The following LAMA3 variants were observed in gnomAD, a reference collection of about 807,000 sequenced individuals.
LAMA3 encodes laminin subunit alpha 3.
Under a neutral mutation model 402.0 loss-of-function variants are expected in LAMA3, and 281 were observed. That is an observed-to-expected ratio of 0.70 (90% CI 0.63 to 0.77). The LOEUF is 0.77. Among genes scored for constraint, LAMA3 ranks in the 30% least tolerant of loss-of-function variants. The pLI, the probability that LAMA3 is intolerant of heterozygous loss-of-function variation, is 0.00. For missense variants in LAMA3, 3,840 were observed against 4,215.5 expected, an observed-to-expected ratio of 0.91 and a Z score of 2.47; for synonymous variants, 1,431 against 1,558.4, an observed-to-expected ratio of 0.92 and a Z score of 1.93.
intron 12 of LAMA3, among the ~76,000 whole-genome samples, chr18:23,798,545 G>T (rs531377292): frequency 6.6e-6 from 1 of 152,334 alleles, no homozygotes; most frequent in South Asian, 2.1e-4. Context: ...CCTGGGAGAA[G>T]CTCCCAGCCT....
At chr18:23,863,977 G>C (rs560420453) in intron 35 of LAMA3, among the ~76,000 whole-genome samples, 1 of 152,236 alleles carries the variant, frequency 6.6e-6, no homozygotes, top group East Asian at 1.9e-4. Flanking sequence ...GTACACAGCA[G>C]AACTCACAAT....
chr18:23,864,407 T>C (rs1422361774), intron 35 of LAMA3, among the ~76,000 whole-genome samples: 1 of 152,072 alleles, frequency 6.6e-6, no homozygotes, highest in Non-Finnish European at 1.5e-5. Context: ...TTAAATATTT[T>C]TGTAGAGACA....
chr18:23,936,163 A>G (rs2082306150), intron 67 of LAMA3, among the ~76,000 whole-genome samples: 1 of 148,456 alleles, frequency 6.7e-6, no homozygotes, highest in Non-Finnish European at 1.5e-5. Context: ...AGTAAATGGT[A>G]GAGTCAGGAT....
At chr18:23,949,087 C>T (rs1774429006) in intron 70 of LAMA3, among the ~76,000 whole-genome samples, 1 of 152,162 alleles carries the variant, frequency 6.6e-6, no homozygotes, top group Admixed American at 6.5e-5. Flanking sequence ...ACCCCACAAG[C>T]CTGTTCCTGG....
chr18:23,825,338 A>G (rs967009646), intron 21 of LAMA3, among the ~76,000 whole-genome samples: 7 of 152,194 alleles, frequency 4.6e-5, no homozygotes, highest in Admixed American at 2.0e-4. Context: ...AGGTCTTTTC[A>G]AAATAGAGTC....
Position 23,867,815 on chromosome 18 carries a change from C to T in LAMA3, c.4684-19C>T. ...ATCCCAGTGAAGGTACTAACACATTCATGGTTTTCTTTAAACAGGGTCAGC... is the reference window on the plus strand; with the variant it reads ...ATCCCAGTGAAGGTACTAACACATTTATGGTTTTCTTTAAACAGGGTCAGC... On this transcript the variant is annotated intron_variant, in intron 36 of 74. Coordinates refer to ENST00000313654, the MANE Select transcript of LAMA3 (RefSeq NM_198129.4). 6.3e-7 allele frequency: 1 copy of T among 1,597,914 alleles called. No homozygotes were observed. The highest frequency in any genetic ancestry group is 8.6e-7 in the Non-Finnish European group (1 of 1,165,352).
At chr18:23,920,599 G>T (rs949177021) in intron 60 of LAMA3, among the ~76,000 whole-genome samples, 6 of 152,078 alleles carry the variant, frequency 3.9e-5, no homozygotes, top group African/African-American at 1.4e-4. Flanking sequence ...TCTCTAAAAG[G>T]CACTCATATT....
chr18:23,822,874 G>A (rs9967546), intron 20 of LAMA3, among the ~76,000 whole-genome samples: 8,396 of 152,256 alleles, frequency 0.055, 702 homozygotes, highest in East Asian at 0.38. Context: ...ACTCAGGGAT[G>A]AGGAATTCCT....
Position 23,838,875 on chromosome 18 carries a change from A to C in LAMA3, c.3188A>C (p.Gln1063Pro), listed in dbSNP as rs755425572. 11 of 1,585,114 alleles carry C rather than the reference A, an allele frequency of 6.9e-6. No individual in the cohort carries two copies. The Admixed American group carries it at 1.8e-4, about 26-fold the overall frequency. Residue 1063 changes from glutamine (Q) to proline (P), a missense_variant, in exon 26 of 75, where the codon CAA (glutamine) becomes CCA (proline). By Grantham distance (76) the Gln-to-Pro change is moderately conservative. Coordinates refer to ENST00000313654, the MANE Select transcript of LAMA3 (RefSeq NM_198129.4). The part of the protein sequence containing the change: ...CIASYGRFVN[Q>P]SATCVSLAHE... ...GCCAGTTATGGGCGATTTGTCAATC[A>C]AAGGTAATGTGTTTCCTTCCTGTCT...
chr18:23,803,977 C>T lies in LAMA3; in HGVS notation c.1604-6389C>T, dbSNP rs374330029. ...GATCCAATCTTATGTATACCACTTC[C>T]ATTTGATGACGGAATGCTGCTGTGC... On this transcript the variant is annotated intron_variant, in intron 12 of 74. Transcript: ENST00000313654. Among the ~76,000 whole-genome samples, 128 of 152,302 alleles carry T rather than the reference C, an allele frequency of 8.4e-4. 3 individuals carry two copies. The South Asian group carries it at 0.025, about 30-fold the overall frequency.
intron 41 of LAMA3, among the ~76,000 whole-genome samples, chr18:23,889,676 G>T (rs1416316510): frequency 2.7e-4 from 23 of 85,944 alleles, no homozygotes; most frequent in Admixed American, 2.5e-3. Flanking sequence ...GGGGGAGGGA[G>T]GAAGGAAGGA....
chr18:23,755,768 AT>A (rs2061831315), intron 6 of LAMA3, among the ~76,000 whole-genome samples: 1 of 152,160 alleles, frequency 6.6e-6, no homozygotes, highest in Non-Finnish European at 1.5e-5. Context: ...AAAAAACATG[AT>A]TGTTGACACT....
At chr18:23,838,411 C>A (rs568353486) in intron 25 of LAMA3, among the ~76,000 whole-genome samples, 2 of 152,128 alleles carry the variant, frequency 1.3e-5, no homozygotes, top group Non-Finnish European at 2.9e-5. Context: ...CACACCACAT[C>A]CCCTATCTTC....
intron 20 of LAMA3, among the ~76,000 whole-genome samples, chr18:23,823,860 CTT>C (rs2063332485): frequency 6.6e-6 from 1 of 152,112 alleles, no homozygotes; most frequent in African/African-American, 2.4e-5. Flanking sequence ...AAGTGTAAAA[CTT>C]TTTCTTATGC....
At chr18:23,722,964 G>A (rs2061239871) in intron 2 of LAMA3, among the ~76,000 whole-genome samples, 1 of 152,098 alleles carries the variant, frequency 6.6e-6, no homozygotes, top group African/African-American at 2.4e-5. Flanking sequence ...GGCATCACAT[G>A]GGAAAGGGCA....
chr18:23,796,012 T>C, intron 12 of LAMA3: 2 of 396,316 alleles, frequency 5.0e-6, no homozygotes, highest in South Asian at 3.9e-5. Flanking sequence ...TCTCTCCCTC[T>C]ACCATGTGAG....
At chr18:23,752,683 A>AG (rs2061774652) in intron 5 of LAMA3, among the ~76,000 whole-genome samples, 2 of 152,270 alleles carry the variant, frequency 1.3e-5, no homozygotes, top group South Asian at 2.1e-4. Context: ...TGTATTAACA[A>AG]GGGGGGCTGT....
At chr18:23,935,264 GAGA>G (rs2082278583) in intron 67 of LAMA3, among the ~76,000 whole-genome samples, 1 of 152,236 alleles carries the variant, frequency 6.6e-6, no homozygotes, top group Admixed American at 6.5e-5. Flanking sequence ...ATGGAGATAG[GAGA>G]AGGACACGTA....
At chr18:23,797,770 G>A (rs1018040374) in intron 12 of LAMA3, among the ~76,000 whole-genome samples, 1 of 151,800 alleles carries the variant, frequency 6.6e-6, no homozygotes, top group African/African-American at 2.4e-5. Flanking sequence ...ACCCTTCTAA[G>A]CTGCTTTTGC....
Sources: allele counts gnomAD v4.1 joint callset (sites outside exome capture counted in the v4.1 genomes callset), GRCh38; gene constraint gnomAD v4.1.1; transcripts MANE v1.5; gene names NCBI Gene and HGNC (gene_info 2026-07-23, HGNC 2026-07-21).